Variants in RP1 observed in about 807,000 individuals in gnomAD.
RP1 encodes the protein oxygen-regulated protein 1.
In RP1, 16 loss-of-function variants were observed where a neutral mutation model predicts 14.8. That is an observed-to-expected ratio of 1.08 (90% CI 0.73 to 1.65). RP1 has a LOEUF of 1.65. Among genes scored for constraint, RP1 ranks in the 40% most tolerant of loss-of-function variants. The probability of loss-of-function intolerance (pLI) is 0.00; values close to 1 mark genes in which losing one functional copy is unlikely to be tolerated. For synonymous variants in RP1, 876 were observed against 883.6 expected (o/e 0.99, Z 0.15); for missense variants, 2,631 against 2,535.0 (o/e 1.04, Z -0.81).
intron 27 of RP1, among the ~76,000 whole-genome samples, chr8:54,860,300 G>A (rs1047365597): frequency 5.3e-5 from 8 of 151,900 alleles, no homozygotes; most frequent in Non-Finnish European, 1.0e-4. Context: ...ACAAAAAAAT[G>A]TGCAGGTACG....
intron 1 of RP1, among the ~76,000 whole-genome samples, chr8:54,603,679 G>A (rs1476028490): frequency 6.6e-6 from 1 of 152,172 alleles, no homozygotes; most frequent in African/African-American, 2.4e-5. Context: ...AGCATGGAAT[G>A]TTCTTCCATT....
At chr8:54,839,985 T>A (rs1452458058) in intron 25 of RP1, among the ~76,000 whole-genome samples, 1 of 152,126 alleles carries the variant, frequency 6.6e-6, no homozygotes, top group Non-Finnish European at 1.5e-5. Flanking sequence ...CATGTGAAGG[T>A]GGCAGTGGTA....
Position 54,863,330 on chromosome 8 carries a change from C to T in RP1, c.4070-2505C>T, listed in dbSNP as rs374572576. Among the ~76,000 whole-genome samples the T allele has an allele frequency of 1.4e-3, 217 of 152,206 alleles. 3 individuals are homozygous for T. Among genetic ancestry groups the T allele is most frequent in the African/African-American group, 4.5e-3 (185 of 41,538 alleles). On this transcript the variant is annotated intron_variant, in intron 27 of 28. Coordinates refer to the RP1 transcript ENST00000637698. ...TTATAGCCTAAGAGTATAGGCTGTGCCATATCACCTAGGTGTGTAGTAGAC... is the reference window on the plus strand; with the variant it reads ...TTATAGCCTAAGAGTATAGGCTGTGTCATATCACCTAGGTGTGTAGTAGAC...
intron 22 of RP1, among the ~76,000 whole-genome samples, chr8:54,765,758 T>A (rs1223003236): frequency 3.3e-5 from 5 of 152,196 alleles, no homozygotes; most frequent in African/African-American, 1.2e-4. Context: ...CATGAAGCTT[T>A]CTCTGCTTGC....
chr8:54,636,550 C>T (rs1250298954), intron 3 of RP1, among the ~76,000 whole-genome samples: 1 of 152,072 alleles, frequency 6.6e-6, no homozygotes, highest in African/African-American at 2.4e-5. Context: ...CCAGCCTGGC[C>T]AACATGGTGA....
intron 24 of RP1, among the ~76,000 whole-genome samples, chr8:54,798,954 C>A (rs1810637266): frequency 6.6e-6 from 1 of 151,738 alleles, no homozygotes; most frequent in African/African-American, 2.4e-5. Context: ...ACTATGATAG[C>A]AAAAAATGTT....
intron 19 of RP1, among the ~76,000 whole-genome samples, chr8:54,740,403 T>TAAAAAAAAAAAAAAAAAAAAA (rs34753388): frequency 1.2e-5 from 1 of 80,244 alleles, no homozygotes; most frequent in African/African-American, 4.6e-5. Context: ...GCTTAAAAAG[T>TAAAAAAAAAAAAAAAAAAAAA]AAAAAAAAAA....
intron 24 of RP1, among the ~76,000 whole-genome samples, chr8:54,789,666 G>A (rs778226659): frequency 6.6e-6 from 1 of 152,150 alleles, no homozygotes; most frequent in Non-Finnish European, 1.5e-5. Flanking sequence ...GCTAAATTGT[G>A]GAGCATAGCC....
chr8:54,792,145 CA>C (rs1810479145), intron 24 of RP1, among the ~76,000 whole-genome samples: 1 of 151,852 alleles, frequency 6.6e-6, no homozygotes, highest in Non-Finnish European at 1.5e-5. Context: ...ATCAATTTAT[CA>C]AGAAGATAGA....
At chr8:54,822,972 G>C (rs932447511) in intron 24 of RP1, among the ~76,000 whole-genome samples, 2 of 152,132 alleles carry the variant, frequency 1.3e-5, no homozygotes, top group African/African-American at 2.4e-5. Flanking sequence ...AGATAATAGA[G>C]AGGCCTTGTG....
intron 17 of RP1, among the ~76,000 whole-genome samples, chr8:54,730,237 A>G (rs530073289): frequency 1.6e-3 from 244 of 152,176 alleles, no homozygotes; most frequent in African/African-American, 5.6e-3. Flanking sequence ...TAAAACAACC[A>G]TTGTTGTTTT....
At chr8:54,653,572 C>G (rs1485628751) in intron 5 of RP1, among the ~76,000 whole-genome samples, 1 of 152,126 alleles carries the variant, frequency 6.6e-6, no homozygotes, top group African/African-American at 2.4e-5. Flanking sequence ...TTAATGAAAA[C>G]TTCATAGATG....
intron 25 of RP1, among the ~76,000 whole-genome samples, chr8:54,838,084 G>A (rs1411694585): frequency 6.6e-6 from 1 of 152,174 alleles, no homozygotes; most frequent in East Asian, 1.9e-4. Flanking sequence ...TAGAACATTA[G>A]GATTAACACC....
At chr8:54,853,104 C>A (rs1812093019) in intron 26 of RP1, among the ~76,000 whole-genome samples, 3 of 152,132 alleles carry the variant, frequency 2.0e-5, no homozygotes, top group Non-Finnish European at 4.4e-5. Flanking sequence ...CAGAGGAGAA[C>A]ATGGTATCAG....
intron 1 of RP1, among the ~76,000 whole-genome samples, chr8:54,598,731 G>C (rs921536054): frequency 6.6e-6 from 1 of 152,072 alleles, no homozygotes; most frequent in African/African-American, 2.4e-5. Flanking sequence ...TATTTTTGCC[G>C]GACATAGAAC....
chr8:54,660,677 A>C (rs409429), intron 6 of RP1, among the ~76,000 whole-genome samples: 33,449 of 151,750 alleles, frequency 0.22, 4,277 homozygotes, highest in East Asian at 0.42. Flanking sequence ...GGTTCTCACA[A>C]AGGCAAATGT....
chr8:54,758,883 G>T, intron 21 of RP1: 1 of 1,532,680 alleles, frequency 6.5e-7, no homozygotes, highest in Non-Finnish European at 8.7e-7. Flanking sequence ...TCGGACTCTA[G>T]TTATTTCTGT....
intron 8 of RP1, among the ~76,000 whole-genome samples, chr8:54,677,640 T>A (rs576252791): frequency 6.6e-6 from 1 of 152,256 alleles, no homozygotes; most frequent in Non-Finnish European, 1.5e-5. Flanking sequence ...GGCTGGAAGA[T>A]TGCTTGAGTT....
chr8:54,746,029 T>A (rs1300146987), intron 19 of RP1, among the ~76,000 whole-genome samples: 2 of 152,234 alleles, frequency 1.3e-5, no homozygotes, highest in Non-Finnish European at 2.9e-5. Flanking sequence ...CTGCCTTTTG[T>A]GGACTTGGAA....
Sources: gnomAD v4.1 joint callset for allele counts (sites outside exome capture counted in the v4.1 genomes callset) on GRCh38, gnomAD v4.1.1 for gene constraint, MANE v1.5 for transcripts, NCBI Gene and HGNC (gene_info 2026-07-23, HGNC 2026-07-21) for gene names.